The following GCDH variants were observed in gnomAD, a reference collection of about 807,000 sequenced individuals.
GCDH encodes glutaryl-CoA dehydrogenase.
A neutral mutation model predicts 52.8 loss-of-function variants in GCDH; 31 were observed. The observed-to-expected ratio is 0.59, with a 90% CI of 0.44 to 0.79. GCDH has a LOEUF of 0.79. Among genes scored for constraint, GCDH ranks in the 30% least tolerant of loss-of-function variants. The pLI is 0.00. For missense variants in GCDH, 509 were observed against 595.0 expected (o/e 0.86, Z 1.50); for synonymous variants, 242 against 250.0 (o/e 0.97, Z 0.30).
At chr19:12,894,770 T>C (rs1970635757) in intron 6 of GCDH, 1 of 823,604 alleles carries the variant, frequency 1.2e-6, no homozygotes, top group African/African-American at 1.7e-5. Context: ...TGCTAAACTT[T>C]TGGCCAAGAG....
rs1320241434 is a variant in GCDH, at chr19:12,891,901, C to T, written c.198C>T (p.Leu66=). 6.2e-7 allele frequency: 1 copy of T among 1,614,070 alleles called. No individual in the cohort carries two copies. Among genetic ancestry groups the T allele is most frequent in the Non-Finnish European group, 8.5e-7 (1 of 1,180,004 alleles). ...AGCAGCTGACCACAGATGAGATCCT[C>T]ATCAGGGACACCTTCCGCACCTACT... The part of the protein sequence containing the change: ...LEEQLTTDEI[L]IRDTFRTYCQ... Residue 66 remains leucine (L), a synonymous_variant, in exon 4 of 12, where the codon CTC becomes CTT. Transcript: ENST00000222214.
Position 12,899,108 on chromosome 19 carries a change from G to T in GCDH, c.1244-360G>T, listed in dbSNP as rs1970768969. On this transcript the variant is annotated intron_variant, in intron 11 of 11. Coordinates refer to ENST00000222214, the MANE Select transcript of GCDH (RefSeq NM_000159.4). Reference sequence around the variant, plus strand: ...AAAATCAAACATTTAATAAACTGTGGGGCTGGGGGTGGGGAGAACTTGCCA... The same window carrying T: ...AAAATCAAACATTTAATAAACTGTGTGGCTGGGGGTGGGGAGAACTTGCCA... 6.9e-6 allele frequency: 4 copies of T among 579,338 alleles called. No individual in the cohort carries two copies. In the South Asian group the frequency reaches 8.2e-5, roughly 12 times the overall value. 35.9% of individuals were successfully genotyped at this position (579,338 alleles called of 1,614,324 possible). A position where few individuals can be genotyped will look rare whatever the true frequency, so the allele number is the denominator to read the frequency against.
intron 11 of GCDH, 178 bp from the exon 12 acceptor site, chr19:12,899,290 C>G: frequency 6.7e-7 from 1 of 1,497,222 alleles, no homozygotes; most frequent in Non-Finnish European, 9.3e-7. Context: ...ATGGTGGCCT[C>G]ACAGTCTTCT....
In GCDH at chr19:12,896,506, TC is replaced by T; in HGVS notation, c.852+88del. 1 of 1,033,562 alleles carries T rather than the reference TC, an allele frequency of 9.7e-7. No individual in the cohort carries two copies. The highest frequency in any genetic ancestry group is 2.0e-5 in the Admixed American group (1 of 50,544). The allele number at this position is 1,033,562 out of a possible 1,614,324, so 64.0% of individuals were successfully genotyped here. ...GCAGGCTCCGTGCTGGGGACGCGGC[TC>T]CCTGTGCCTGTGGAGCCCACACAGT... is the stretch of plus-strand genomic sequence containing the variant. On this transcript the variant is annotated intron_variant, in intron 8 of 11. Transcript: ENST00000222214. The surrounding 1 kb of genome is among the most constrained non-coding windows in gnomAD (Gnocchi z 5.5).
Position 12,896,414 on chromosome 19 carries a change from G to T in GCDH, c.845G>T (p.Ser282Ile). ...PEENVLPGASSLGGPFGCLNN... is the reference protein window; with the variant it reads ...PEENVLPGASILGGPFGCLNN... Reference sequence around the variant, plus strand: ...GAGAATGTGCTCCCTGGTGCATCCAGCCTGGGGGTAAGTGGCAGCCACTTT... The same window carrying T: ...GAGAATGTGCTCCCTGGTGCATCCATCCTGGGGGTAAGTGGCAGCCACTTT... The change falls in exon 8 of 12, where the codon AGC becomes ATC. Residue 282 changes from serine to isoleucine, a missense_variant. Coordinates refer to ENST00000222214, the MANE Select transcript of GCDH (RefSeq NM_000159.4). This position sits in a 1 kb window ranked among gnomAD's most constrained non-coding sequence, Gnocchi z 5.5. 1 of 1,612,638 alleles carries T rather than the reference G, an allele frequency of 6.2e-7. No individual in the cohort carries two copies. The highest frequency in any genetic ancestry group is 8.5e-7 in the Non-Finnish European group (1 of 1,179,378).
Position 12,899,775 on chromosome 19 carries a change from G to T in GCDH, c.*234G>T. On this transcript the variant is annotated 3_prime_UTR_variant, in exon 12 of 12. Transcript: ENST00000222214. ...TCAATCCACTTTTAACCATGGATGA[G>T]AGCAGACTCCATTTACCCTGAAATA... 2 of 1,604,616 alleles carry T rather than the reference G, an allele frequency of 1.2e-6. No homozygotes were observed. The highest frequency in any genetic ancestry group is 1.7e-6 in the Non-Finnish European group (2 of 1,172,342).
chr19:12,893,836 C>T (rs1180541936), intron 6 of GCDH, 183 bp downstream of exon 6: 1 of 674,686 alleles, frequency 1.5e-6, no homozygotes, highest in Non-Finnish European at 2.7e-6. Context: ...CCTGACTGTC[C>T]CCCTCTGTGA....
At chr19:12,891,741 A>G (rs1417268800) in intron 3 of GCDH, 90 bp from the exon 4 acceptor site, 2 of 1,583,372 alleles carry the variant, frequency 1.3e-6, no homozygotes, top group East Asian at 2.3e-5. Context: ...GGGGGGCGAC[A>G]TGGGTGTTGG....
In GCDH at chr19:12,896,252, G is replaced by A; in HGVS notation, c.683G>A (p.Cys228Tyr). ...GATCTGTTTGTAGTGTGGGCTCGGT[G>A]TGAAGATGGCTGCATTCGGGGCTTC... is the stretch of plus-strand genomic sequence containing the variant. ...MADLFVVWAR[C>Y]EDGCIRGFLL... is the part of the protein sequence containing the mutation. Residue 228 changes from cysteine (C) to tyrosine (Y), a missense_variant, in exon 8 of 12, where the codon TGT (cysteine) becomes TAT (tyrosine). Physicochemically the swap from Cys to Tyr is radical, Grantham distance 194 (BLOSUM62 -2). Coordinates refer to ENST00000222214, the MANE Select transcript of GCDH (RefSeq NM_000159.4). This position sits in a 1 kb window ranked among gnomAD's most constrained non-coding sequence, Gnocchi z 5.5. 2.5e-6 allele frequency: 4 copies of A among 1,612,620 alleles called. No homozygotes were observed. Among genetic ancestry groups the A allele is most frequent in the Non-Finnish European group, 3.4e-6 (4 of 1,179,478 alleles).
At chr19:12,893,793 T>C in intron 6 of GCDH, 140 bp downstream of exon 6, 5 of 783,790 alleles carry the variant, frequency 6.4e-6, no homozygotes, top group Non-Finnish European at 1.1e-5. Flanking sequence ...CGCCAGACCC[T>C]GGGCTTCACC....
At chr19:12,891,758 G>A in intron 3 of GCDH, 73 bp from the exon 4 acceptor site, 1 of 1,609,860 alleles carries the variant, frequency 6.2e-7, no homozygotes, top group East Asian at 2.2e-5. Context: ...TTGGGGGGTA[G>A]GGCTGATGAG....
chr19:12,899,426 GC>G, intron 11 of GCDH, 41 bp from the exon 12 acceptor site: 1 of 1,614,132 alleles, frequency 6.2e-7, no homozygotes, highest in Non-Finnish European at 8.5e-7. Flanking sequence ...GAAGTTGTGA[GC>G]TATGAAAACT....
intron 5 of GCDH, among the ~76,000 whole-genome samples, chr19:12,892,879 CTTTT>C (rs1044140707): frequency 7.6e-6 from 1 of 130,762 alleles, no homozygotes; most frequent in Non-Finnish European, 1.6e-5. Context: ...CGGCCCTTTT[CTTTT>C]TTTTTTTTTT....
Position 12,891,817 on chromosome 19 carries a change from A to AT in GCDH, c.128-12dup. The AT allele has an allele frequency of 1.2e-6, 2 of 1,613,512 alleles. No homozygotes were observed. The highest frequency in any genetic ancestry group is 1.7e-6 in the Non-Finnish European group (2 of 1,179,976). ...GATCTTGCGGACTGGACCGAGGCGA[A>AT]TTCCCCTTCCCAGCCTCGCGTCCCG... is the stretch of plus-strand genomic sequence containing the variant. On this transcript the variant is annotated splice_polypyrimidine_tract_variant and intron_variant, in intron 3 of 11. Transcript: ENST00000222214.
chr19:12,894,557 C>A, intron 6 of GCDH: 1 of 655,654 alleles, frequency 1.5e-6, no homozygotes. Flanking sequence ...TAGCAGAATC[C>A]GTAAACTTTT....
Position 12,891,936 on chromosome 19 carries a change from G to T in GCDH, c.233G>T (p.Arg78Ile), listed in dbSNP as rs765719260. Residue 78 changes from arginine (R) to isoleucine (I), a missense_variant, in exon 4 of 12, where the codon AGA becomes ATA. Transcript: ENST00000222214. The part of the protein sequence containing the change: ...RDTFRTYCQE[R>I]LMPRILLANR... Reference sequence around the variant, plus strand: ...ACCTTCCGCACCTACTGCCAGGAGAGACTCATGCCTCGCATCCTGTTGGCC... The same window carrying T: ...ACCTTCCGCACCTACTGCCAGGAGATACTCATGCCTCGCATCCTGTTGGCC... The T allele has an allele frequency of 1.9e-6, 3 of 1,614,228 alleles. No individual in the cohort carries two copies. The highest frequency in any genetic ancestry group is 2.2e-5 in the South Asian group (2 of 91,092).
chr19:12,893,781 C>T, intron 6 of GCDH, 128 bp downstream of exon 6: 1 of 841,460 alleles, frequency 1.2e-6, no homozygotes, highest in Non-Finnish European at 2.0e-6. Flanking sequence ...CACCTGGACC[C>T]CCGCCAGACC....
At position 12,899,511 on chromosome 19, in the gene GCDH, G is replaced by A. The variant is rs141819282; in HGVS notation, c.1287G>A (p.Thr429=). ...IHALILGRAI[T]GIQAFTASK ...CCCTGATCCTTGGGAGAGCTATCAC[G>A]GGAATCCAGGCGTTCACGGCCAGCA... The change falls in exon 12 of 12, where the codon ACG becomes ACA. Residue 429 remains threonine, a synonymous_variant. Transcript: ENST00000222214. The A allele has an allele frequency of 1.0e-4, 167 of 1,614,150 alleles. No homozygotes were observed. The African/African-American group carries it at 1.3e-3, about 12-fold the overall frequency.
Position 12,893,553 on chromosome 19 carries a change from T to C in GCDH, c.405T>C (p.Ser135=). The C allele has an allele frequency of 6.2e-7, 1 of 1,613,764 alleles. No individual in the cohort carries two copies. The highest frequency in any genetic ancestry group is 8.5e-7 in the Non-Finnish European group (1 of 1,179,780). Residue 135 remains serine, a synonymous_variant, in exon 6 of 12, where the codon AGT becomes AGC. Coordinates refer to ENST00000222214, the MANE Select transcript of GCDH (RefSeq NM_000159.4). ...LLARELERVD[S]GYRSAMSVQS... is the part of the protein sequence containing the mutation. ...CCCGAGAGCTGGAGCGGGTGGACAG[T>C]GGCTACAGGTCGGCGATGAGTGTCC...
Sources: gnomAD v4.1 joint callset for allele counts (sites outside exome capture counted in the v4.1 genomes callset) on GRCh38, gnomAD v4.1.1 for gene constraint, Gnocchi (gnomAD v3.1) non-coding constraint, MANE v1.5 for transcripts, NCBI Gene and HGNC (gene_info 2026-07-23, HGNC 2026-07-21) for gene names.